SV2C: variants seen among roughly 807,000 people sequenced by gnomAD.
SV2C encodes synaptic vesicle glycoprotein 2C.
In SV2C, 49 loss-of-function variants were observed where a neutral mutation model predicts 79.7. The observed-to-expected ratio is 0.61, with a 90% CI of 0.49 to 0.78. The LOEUF (loss-of-function observed/expected upper bound fraction) is 0.78, where lower values mean the gene tolerates loss of function less well. Ranked by LOEUF, SV2C falls within the 30% of genes least tolerant of loss-of-function variation. SV2C has a pLI of 0.00. For synonymous variants in SV2C, 334 were observed against 333.2 expected, an observed-to-expected ratio of 1.00 and a Z score of -0.03; for missense variants, 833 against 912.9, an observed-to-expected ratio of 0.91 and a Z score of 1.13.
intron 12 of SV2C, among the ~76,000 whole-genome samples, chr5:76,317,707 G>C (rs565531842): frequency 7.2e-5 from 11 of 152,142 alleles, no homozygotes; most frequent in Non-Finnish European, 1.5e-4. Context: ...GCACACATTT[G>C]TGGTCCTAGC....
At chr5:76,337,188 G>A (rs1452439176), downstream of SV2C, among the ~76,000 whole-genome samples, 19 of 152,140 alleles carry the variant, frequency 1.2e-4, no homozygotes, top group Admixed American at 1.2e-3. Flanking sequence ...AGATCCAAGT[G>A]TCAGGGAGGG....
intron 2 of SV2C, among the ~76,000 whole-genome samples, chr5:76,134,487 A>T (rs1749001708): frequency 6.6e-6 from 1 of 152,240 alleles, no homozygotes. Context: ...AGAAAGCAGG[A>T]TGCATGACCC....
intron 4 of SV2C, among the ~76,000 whole-genome samples, chr5:76,223,063 A>T (rs1745117667): frequency 6.6e-6 from 1 of 152,144 alleles, no homozygotes; most frequent in Non-Finnish European, 1.5e-5. Context: ...TGTGGCCCAG[A>T]TGCCAGCTAC....
intron 4 of SV2C, among the ~76,000 whole-genome samples, chr5:76,251,308 T>G (rs1488764424): frequency 6.6e-6 from 1 of 151,994 alleles, no homozygotes; most frequent in Non-Finnish European, 1.5e-5. Flanking sequence ...TTTGGGAGAT[T>G]GAGGCAGGAG....
At position 76,331,279 on chromosome 5, in the gene SV2C, C is replaced by A. The variant is rs1287063562; in HGVS notation, c.*5732C>A. The A allele has an allele frequency of 6.6e-6, 1 of 152,264 alleles. No homozygotes were observed. Among genetic ancestry groups the A allele is most frequent in the Non-Finnish European group, 1.5e-5 (1 of 68,096 alleles). 9.4% of individuals were successfully genotyped at this position (152,264 alleles called of 1,614,324 possible). A position where few individuals can be genotyped will look rare whatever the true frequency, so the allele number is the denominator to read the frequency against. ...CTCTTCAGAGCTAAGTCAGCAAAGC[C>A]TGCAGCTGCTGCCACTCCCCTGGTC... On this transcript the variant is annotated 3_prime_UTR_variant, in exon 13 of 13. Transcript: ENST00000502798.
chr5:76,285,813 G>A lies in SV2C; in HGVS notation c.1080G>A (p.Leu360=). 6.2e-7 allele frequency: 1 copy of A among 1,614,112 alleles called. No individual in the cohort carries two copies. The highest frequency in any genetic ancestry group is 8.5e-7 in the Non-Finnish European group (1 of 1,179,994). The change falls in exon 6 of 13, where the codon CTG becomes CTA. Residue 360 remains leucine, a synonymous_variant. Coordinates refer to ENST00000502798, the MANE Select transcript of SV2C (RefSeq NM_014979.4). ...VGKHDEAWMI[L]KLIHDTNMRA... ...AACATGATGAAGCTTGGATGATTCT[G>A]AAGTTAATTCATGACACCAACATGA...
chr5:75,981,234 A>G, the SV2C span, among the ~76,000 whole-genome samples: 1 of 152,214 alleles, frequency 6.6e-6, no homozygotes. Flanking sequence ...AAACAAATGG[A>G]AAAACATTCC....
the SV2C span, among the ~76,000 whole-genome samples, chr5:75,954,270 T>C: frequency 6.6e-6 from 1 of 151,958 alleles, no homozygotes; most frequent in Non-Finnish European, 1.5e-5. Context: ...TTTAATGTGT[T>C]GAAGGAAGAA....
chr5:75,983,182 A>G, the SV2C span, among the ~76,000 whole-genome samples: 1 of 152,226 alleles, frequency 6.6e-6, no homozygotes, highest in Non-Finnish European at 1.5e-5. Flanking sequence ...ACACAAGTTT[A>G]CCTATGTAAC....
the SV2C span, among the ~76,000 whole-genome samples, chr5:75,872,904 T>C: frequency 6.6e-6 from 1 of 151,526 alleles, no homozygotes; most frequent in Non-Finnish European, 1.5e-5. Context: ...AAACTTAAAG[T>C]ATAATAATAA....
At chr5:75,907,951 G>A in the SV2C span, among the ~76,000 whole-genome samples, 1 of 152,194 alleles carries the variant, frequency 6.6e-6, no homozygotes, top group Admixed American at 6.5e-5. Context: ...CTCTTCATAG[G>A]AGCACTAATG....
chr5:75,886,988 A>G, the SV2C span, among the ~76,000 whole-genome samples: 1 of 152,164 alleles, frequency 6.6e-6, no homozygotes, highest in African/African-American at 2.4e-5. Flanking sequence ...CCTGCTAGGC[A>G]TTGCAGTTCC....
rs570513171 is a variant in SV2C, at chr5:76,099,988, A to G, written c.-102+16476A>G. 2.1e-4 allele frequency among the ~76,000 whole-genome samples: 32 copies of G among 152,346 alleles called. 1 individual carries two copies. In the South Asian group the frequency reaches 6.6e-3, roughly 32 times the overall value. On this transcript the variant is annotated intron_variant, in intron 1 of 12. Transcript: ENST00000502798. ...GAACATGCCCAAAGTCTCTGAATGT[A>G]CAGCCATGTCAGCAAATTGGCCAAA...
intron 12 of SV2C, among the ~76,000 whole-genome samples, chr5:76,302,742 TA>T (rs1162271221): frequency 1.3e-5 from 2 of 151,738 alleles, no homozygotes; most frequent in Non-Finnish European, 2.9e-5. Context: ...ATAGCTAAAT[TA>T]AAATAAAAGA....
At chr5:76,261,477 A>G (rs1369173489) in intron 4 of SV2C, among the ~76,000 whole-genome samples, 2 of 152,114 alleles carry the variant, frequency 1.3e-5, no homozygotes, top group East Asian at 1.9e-4. Flanking sequence ...TTCCAATTCT[A>G]TGTTGAATAG....
chr5:76,094,771 C>G (rs1747494573), intron 1 of SV2C, among the ~76,000 whole-genome samples: 1 of 152,016 alleles, frequency 6.6e-6, no homozygotes. Context: ...TATATTTTGC[C>G]ATTTTTCAAT....
At chr5:76,200,637 T>C (rs1441733419) in intron 3 of SV2C, among the ~76,000 whole-genome samples, 7 of 152,090 alleles carry the variant, frequency 4.6e-5, no homozygotes, top group African/African-American at 1.7e-4. Flanking sequence ...TTATTTTATT[T>C]TTTGTTTTAT....
At position 76,172,728 on chromosome 5, in the gene SV2C, TG is replaced by T. The variant is rs1410725426; in HGVS notation, c.581-22190del. On this transcript the variant is annotated intron_variant, in intron 2 of 12. Coordinates refer to ENST00000502798, the MANE Select transcript of SV2C (RefSeq NM_014979.4). ...GAAAAATTCCTCTGCCTTGGGATCC[TG>T]TTGATCTGTGACCTTACCCCCAACC... is the stretch of plus-strand genomic sequence containing the variant. Among the ~76,000 whole-genome samples the T allele has an allele frequency of 2.7e-3, 235 of 85,946 alleles. 1 individual carries two copies. The highest frequency in any genetic ancestry group is 0.021 in the Admixed American group (165 of 7,804). 56.4% of individuals were successfully genotyped at this position (85,946 alleles called of 152,430 possible). A position where few individuals can be genotyped will look rare whatever the true frequency, so the allele number is the denominator to read the frequency against.
chr5:76,342,013 T>C (rs1405470052), intron 12 of SV2C, among the ~76,000 whole-genome samples: 2 of 152,204 alleles, frequency 1.3e-5, no homozygotes, highest in African/African-American at 2.4e-5. Flanking sequence ...CTTACCCACA[T>C]ACCCCAAACC....
Sources: allele counts gnomAD v4.1 joint callset (sites outside exome capture counted in the v4.1 genomes callset), GRCh38; gene constraint gnomAD v4.1.1; transcripts MANE v1.5; gene names NCBI Gene and HGNC (gene_info 2026-07-23, HGNC 2026-07-21).